The following LHCGR variants were observed in gnomAD, a reference collection of about 807,000 sequenced individuals.
The protein encoded by LHCGR is lutropin-choriogonadotropic hormone receptor.
LHCGR carries 55 observed loss-of-function variants against 60.7 expected under a neutral mutation model. The ratio of observed to expected loss-of-function variants is 0.91; its 90% confidence interval spans 0.73 to 1.13. The LOEUF (loss-of-function observed/expected upper bound fraction) is 1.13. Among genes scored for constraint, LHCGR ranks in the 50% most tolerant of loss-of-function variants. The probability of loss-of-function intolerance (pLI) is 0.00; values close to 1 mark genes in which losing one functional copy is unlikely to be tolerated. For missense variants in LHCGR, 862 were observed against 836.0 expected (o/e 1.03, Z -0.38); for synonymous variants, 337 against 316.5 (o/e 1.06, Z -0.69).
In LHCGR at chr2:48,698,681, T is replaced by A. The variant is rs199607124; in HGVS notation, c.800A>T (p.Asn267Ile). Residue 267 changes from asparagine to isoleucine, a missense_variant, in exon 9 of 11, where the codon AAT becomes ATT. Physicochemically the swap from Asn to Ile is moderately radical, Grantham distance 149. Coordinates refer to ENST00000294954, the MANE Select transcript of LHCGR (RefSeq NM_000233.4). Reference protein sequence around the residue: ...KKLPSRETFVNLLEATLTYPS... With the variant: ...KKLPSRETFVILLEATLTYPS... The stretch of plus-strand genomic sequence containing the variant: ...GTAAGTCAACGTGGCCTCCAGGAGA[T>A]TGACAAATGTTTCTCTTGATGGCAA... 6.2e-7 allele frequency: 1 copy of A among 1,613,996 alleles called. No homozygotes were observed. Among genetic ancestry groups the A allele is most frequent in the African/African-American group, 1.3e-5 (1 of 74,904 alleles).
At position 48,729,220 on chromosome 2, in the gene LHCGR, A is replaced by C. The variant is rs1381039031; in HGVS notation, c.241T>G (p.Ser81Ala). The stretch of plus-strand genomic sequence containing the variant: ...ATCCTTTCCAGGGAATCAATCTGAG[A>C]GATTTCACTAGGGAAGAGAGGAGGG... ...GLNEVIKIEI[S>A]QIDSLERIEA... Residue 81 changes from serine (S) to alanine (A), a missense_variant, in exon 3 of 11, where the codon TCT becomes GCT. By Grantham distance (99) the Ser-to-Ala change is moderately conservative. Coordinates refer to ENST00000294954, the MANE Select transcript of LHCGR (RefSeq NM_000233.4). 2 of 1,605,804 alleles carry C rather than the reference A, an allele frequency of 1.2e-6. No homozygotes were observed. Among genetic ancestry groups the C allele is most frequent in the African/African-American group, 1.3e-5 (1 of 74,804 alleles).
In LHCGR at chr2:48,699,330, A is replaced by C. The variant is rs571952096; in HGVS notation, c.681-530T>G. Among the ~76,000 whole-genome samples, 5 of 152,128 alleles carry C rather than the reference A, an allele frequency of 3.3e-5. No individual in the cohort carries two copies. In the East Asian group the frequency reaches 9.7e-4, roughly 29 times the overall value. ...TTCAAGGTTAAGTATAACTCCTTGC[A>C]CCTACCATACATTTATTAGCATTTC... On this transcript the variant is annotated intron_variant, in intron 8 of 10. Coordinates refer to ENST00000294954, the MANE Select transcript of LHCGR (RefSeq NM_000233.4).
intron 1 of LHCGR, chr2:48,733,249 A>G (rs1475726762): frequency 5.1e-6 from 1 of 197,202 alleles, no homozygotes; most frequent in Non-Finnish European, 1.0e-5. Context: ...AGAGCTGTTT[A>G]TTCATGCAAA....
At chr2:48,752,649 C>T (rs1475011653) in intron 1 of LHCGR, among the ~76,000 whole-genome samples, 2 of 151,950 alleles carry the variant, frequency 1.3e-5, no homozygotes, top group Non-Finnish European at 2.9e-5. Flanking sequence ...TGAACCTGTC[C>T]ACTTTTCCTG....
intron 1 of LHCGR, among the ~76,000 whole-genome samples, chr2:48,749,534 G>C (rs182199929): frequency 9.7e-4 from 147 of 152,170 alleles, no homozygotes; most frequent in African/African-American, 3.5e-3. Context: ...TATAAGATCA[G>C]AATTACACAT....
At chr2:48,689,238 A>G (rs1219951027) in intron 10 of LHCGR, among the ~76,000 whole-genome samples, 1 of 151,950 alleles carries the variant, frequency 6.6e-6, no homozygotes, top group East Asian at 1.9e-4. Flanking sequence ...CAAAAACTTA[A>G]TGAAGCTCTT....
chr2:48,727,177 C>A (rs924759738), intron 3 of LHCGR, among the ~76,000 whole-genome samples: 24 of 152,000 alleles, frequency 1.6e-4, no homozygotes, highest in Admixed American at 1.4e-3. Context: ...TCTGTAGTCC[C>A]ATCTACTTGG....
At chr2:48,700,931 C>G (rs1331645976) in intron 8 of LHCGR, among the ~76,000 whole-genome samples, 1 of 152,052 alleles carries the variant, frequency 6.6e-6, no homozygotes, top group Non-Finnish European at 1.5e-5. Flanking sequence ...GAAGTAGAGT[C>G]AGAAGTCGAT....
In LHCGR at chr2:48,729,212, A is replaced by C; in HGVS notation, c.249T>G (p.Ile83Met). The C allele has an allele frequency of 6.2e-7, 1 of 1,609,448 alleles. No homozygotes were observed. Among genetic ancestry groups the C allele is most frequent in the Non-Finnish European group, 8.5e-7 (1 of 1,177,050 alleles). ...NEVIKIEISQ[I>M]DSLERIEANA... is the part of the protein sequence containing the mutation. ...TAGCTTCTATCCTTTCCAGGGAATC[A>C]ATCTGAGAGATTTCACTAGGGAAGA... The change falls in exon 3 of 11, where the codon ATT (isoleucine) becomes ATG (methionine). Residue 83 changes from isoleucine to methionine, a missense_variant. Ile to Met is a conservative substitution (Grantham distance 10). Transcript: ENST00000294954.
chr2:48,724,580 C>T (rs1366831984), intron 4 of LHCGR, among the ~76,000 whole-genome samples: 3 of 152,138 alleles, frequency 2.0e-5, no homozygotes, highest in Non-Finnish European at 2.9e-5. Flanking sequence ...TAGACTGCAA[C>T]GTGTACTTGG....
intron 3 of LHCGR, among the ~76,000 whole-genome samples, chr2:48,726,682 G>T (rs1260026452): frequency 6.6e-6 from 1 of 152,240 alleles, no homozygotes; most frequent in East Asian, 1.9e-4. Flanking sequence ...TTGGTTAGGA[G>T]CATGGGCTCT....
At chr2:48,724,732 A>G (rs532950829) in intron 4 of LHCGR, among the ~76,000 whole-genome samples, 1 of 152,334 alleles carries the variant, frequency 6.6e-6, no homozygotes, top group East Asian at 1.9e-4. Context: ...CCGTATGCTT[A>G]TGTGCCCTAT....
At chr2:48,754,304 C>T (rs976394941) in intron 1 of LHCGR, among the ~76,000 whole-genome samples, 18 of 152,248 alleles carry the variant, frequency 1.2e-4, no homozygotes, top group South Asian at 2.1e-4. Context: ...TGAAACAGCC[C>T]GTGACAGACT....
At chr2:48,719,094 G>A (rs10203717) in intron 6 of LHCGR, among the ~76,000 whole-genome samples, 9,002 of 151,778 alleles carry the variant, frequency 0.059, 433 homozygotes, top group East Asian at 0.21. Context: ...AGGCTGAGGC[G>A]GGCGGATCAC....
At chr2:48,708,813 C>G (rs1572843746) in intron 8 of LHCGR, 135 bp downstream of exon 8, 1 of 786,768 alleles carries the variant, frequency 1.3e-6, no homozygotes, top group Non-Finnish European at 2.3e-6. Flanking sequence ...TACACTTTGT[C>G]TTTCCAACAG....
rs751899145 is a variant in LHCGR, at chr2:48,688,850, C to T, written c.948-1G>A. Reference sequence around the variant, plus strand: ...ACTCTCAGCAAGCATGGAAGAATAACTGTAAGAAGAATTATTGGCTTGAGG... The same window carrying T: ...ACTCTCAGCAAGCATGGAAGAATAATTGTAAGAAGAATTATTGGCTTGAGG... On this transcript the variant is annotated splice_acceptor_variant, in intron 10 of 10. Transcript: ENST00000294954. LOFTEE classifies it high-confidence loss of function. The surrounding 1 kb of genome is among the most constrained non-coding windows in gnomAD (Gnocchi z 5.2). 3.1e-6 allele frequency: 5 copies of T among 1,613,812 alleles called. No homozygotes were observed. Among genetic ancestry groups the T allele is most frequent in the Non-Finnish European group, 8.5e-7 (1 of 1,179,828 alleles).
intron 1 of LHCGR, among the ~76,000 whole-genome samples, chr2:48,755,103 T>A (rs556298261): frequency 1.3e-5 from 2 of 152,022 alleles, no homozygotes; most frequent in Non-Finnish European, 2.9e-5. Context: ...GTGCCAGAGC[T>A]CACATTCACC....
intron 1 of LHCGR, among the ~76,000 whole-genome samples, chr2:48,749,818 G>A (rs1290601896): frequency 2.6e-5 from 4 of 151,858 alleles, no homozygotes; most frequent in African/African-American, 9.7e-5. Flanking sequence ...TGAACCTTTT[G>A]GCTCTACACT....
chr2:48,738,768 A>T (rs1192566715), intron 1 of LHCGR, among the ~76,000 whole-genome samples: 1 of 152,260 alleles, frequency 6.6e-6, no homozygotes, highest in Non-Finnish European at 1.5e-5. Flanking sequence ...AGAAAAAAGA[A>T]TGTAAAATAT....
Sources: allele counts gnomAD v4.1 joint callset (sites outside exome capture counted in the v4.1 genomes callset), GRCh38; gene constraint gnomAD v4.1.1; non-coding constraint Gnocchi (gnomAD v3.1); transcripts MANE v1.5; gene names NCBI Gene and HGNC (gene_info 2026-07-23, HGNC 2026-07-21).